Variants in MAGI3 observed in about 807,000 individuals in gnomAD.
The protein encoded by MAGI3 is membrane-associated guanylate kinase, WW and PDZ domain-containing protein 3.
A neutral mutation model predicts 121.8 loss-of-function variants in MAGI3; 43 were observed. The ratio of observed to expected loss-of-function variants is 0.35; its 90% CI spans 0.28 to 0.46. The LOEUF is 0.46. Ranked by LOEUF, MAGI3 falls within the 20% of genes least tolerant of loss-of-function variation. MAGI3 has a pLI of 1.00. For synonymous variants in MAGI3, 553 were observed against 639.3 expected (o/e 0.86, Z 2.04); for missense variants, 1,547 against 1,797.3 (o/e 0.86, Z 2.52).
chr1:113,468,411 A>G (rs149011388), intron 1 of MAGI3, among the ~76,000 whole-genome samples: 19 of 152,328 alleles, frequency 1.2e-4, no homozygotes, highest in Admixed American at 1.1e-3. Context: ...AAAACATCTT[A>G]TAACAAGGTA....
chr1:113,598,076 G>T (rs570584641), intron 6 of MAGI3, among the ~76,000 whole-genome samples: 2 of 152,240 alleles, frequency 1.3e-5, no homozygotes, highest in African/African-American at 4.8e-5. Flanking sequence ...GCCAGACATG[G>T]TGGTGGGCAC....
At chr1:113,553,864 C>G (rs1407349889) in intron 2 of MAGI3, among the ~76,000 whole-genome samples, 1 of 152,116 alleles carries the variant, frequency 6.6e-6, no homozygotes, top group Non-Finnish European at 1.5e-5. Flanking sequence ...CAAAAATTAG[C>G]TGGGCGTGGT....
rs1354147448 is a variant in MAGI3, at chr1:113,422,610, C to T, written c.316+31261C>T. 3.3e-5 allele frequency among the ~76,000 whole-genome samples: 5 copies of T among 152,204 alleles called. No homozygotes were observed. Among genetic ancestry groups the T allele is most frequent in the African/African-American group, 7.2e-5 (3 of 41,448 alleles). On this transcript the variant is annotated intron_variant, in intron 1 of 20. Coordinates refer to ENST00000307546, the MANE Select transcript of MAGI3 (RefSeq NM_001142782.2). The surrounding 1 kb of genome is among the most constrained non-coding windows in gnomAD (Gnocchi z 4.3). ...AGGCAGCTCCCGGCGCTGGCACAGG[C>T]GCCTGCTCCGTGCAAGGGTGCATCT...
chr1:113,615,791 C>G (rs1367194767), intron 7 of MAGI3, among the ~76,000 whole-genome samples: 5 of 152,080 alleles, frequency 3.3e-5, no homozygotes, highest in Non-Finnish European at 5.9e-5. Context: ...TACTTAATGT[C>G]TTACTGATAC....
chr1:113,653,249 T>C (rs1653272876), intron 14 of MAGI3, among the ~76,000 whole-genome samples: 1 of 152,224 alleles, frequency 6.6e-6, no homozygotes, highest in Non-Finnish European at 1.5e-5. Flanking sequence ...ATTAAAATTA[T>C]TGGTCCATGT....
At chr1:113,611,151 A>G in intron 6 of MAGI3, among the ~76,000 whole-genome samples, 1 of 147,434 alleles carries the variant, frequency 6.8e-6, no homozygotes, top group African/African-American at 2.5e-5. Context: ...CAGTGATGAG[A>G]TCTCAGCTCA....
At chr1:113,460,177 A>G (rs761077933) in intron 1 of MAGI3, among the ~76,000 whole-genome samples, 2 of 152,236 alleles carry the variant, frequency 1.3e-5, no homozygotes, top group Non-Finnish European at 2.9e-5. Context: ...AAACTACATG[A>G]TTATCTCAAT....
intron 2 of MAGI3, among the ~76,000 whole-genome samples, chr1:113,560,367 C>G (rs911019677): frequency 6.6e-6 from 1 of 151,330 alleles, no homozygotes; most frequent in African/African-American, 2.4e-5. Context: ...CAGAGCGAGA[C>G]TCCATCTTAA....
At chr1:113,539,945 C>T (rs916447338) in intron 1 of MAGI3, among the ~76,000 whole-genome samples, 1 of 151,940 alleles carries the variant, frequency 6.6e-6, no homozygotes, top group Admixed American at 6.6e-5. Context: ...TGCACCACAA[C>T]GCCCAGCTAA....
In MAGI3 at chr1:113,672,705, C is replaced by G. The variant is rs781727649; in HGVS notation, c.3009C>G (p.Thr1003=). ...SDHKHLAQPD[T]AVISVVGSRH... The stretch of plus-strand genomic sequence containing the variant: ...ACAAGCACCTTGCACAGCCTGACAC[C>G]GCAGTAATTTCAGTTGTAGGCAGTC... Residue 1003 remains threonine (T), a synonymous_variant, in exon 18 of 21, where the codon ACC becomes ACG. Transcript: ENST00000307546. The G allele has an allele frequency of 6.2e-7, 1 of 1,613,318 alleles. No individual in the cohort carries two copies. Among genetic ancestry groups the G allele is most frequent in the East Asian group, 2.2e-5 (1 of 44,796 alleles).
chr1:113,404,932 G>A (rs533733790), intron 1 of MAGI3, among the ~76,000 whole-genome samples: 7 of 152,184 alleles, frequency 4.6e-5, no homozygotes, highest in African/African-American at 7.2e-5. Context: ...ACGAATTTCT[G>A]TGTGTTGCCA....
intron 9 of MAGI3, among the ~76,000 whole-genome samples, chr1:113,640,183 T>C (rs1652365535): frequency 7.6e-6 from 1 of 130,830 alleles, no homozygotes; most frequent in South Asian, 2.9e-4. Context: ...CAGTGAGATA[T>C]CATCTTACGC....
intron 1 of MAGI3, among the ~76,000 whole-genome samples, chr1:113,521,023 C>T (rs1374682546): frequency 6.6e-6 from 1 of 151,994 alleles, no homozygotes; most frequent in Non-Finnish European, 1.5e-5. Context: ...TAGGCTCTCC[C>T]TACATCAGCC....
intron 1 of MAGI3, among the ~76,000 whole-genome samples, chr1:113,425,606 T>TATAA (rs1217416781): frequency 6.6e-6 from 1 of 152,070 alleles, no homozygotes; most frequent in African/African-American, 2.4e-5. Context: ...TTTTAAAATG[T>TATAA]TTATAGGACT....
At chr1:113,682,816 A>G in intron 20 of MAGI3, 81 bp from the exon 21 acceptor site, 2 of 1,459,054 alleles carry the variant, frequency 1.4e-6, no homozygotes, top group South Asian at 3.0e-5. Flanking sequence ...GACAATTCAA[A>G]TGGCTGTCAA....
chr1:113,531,679 C>T (rs2101641504), intron 1 of MAGI3, among the ~76,000 whole-genome samples: 1 of 136,496 alleles, frequency 7.3e-6, no homozygotes, highest in South Asian at 2.4e-4. Flanking sequence ...TAGTTTTTCC[C>T]CGACTCTATG....
intron 3 of MAGI3, among the ~76,000 whole-genome samples, chr1:113,583,097 T>C (rs1648135527): frequency 6.6e-6 from 1 of 151,446 alleles, no homozygotes; most frequent in African/African-American, 2.4e-5. Context: ...ACTTGGTATT[T>C]ACCAACATCT....
chr1:113,473,405 C>G (rs1424543217), intron 1 of MAGI3, among the ~76,000 whole-genome samples: 1 of 150,098 alleles, frequency 6.7e-6, no homozygotes. Flanking sequence ...CTAATGCTAT[C>G]CCTCCCCCAG....
At chr1:113,636,390 C>G (rs548161084) in intron 9 of MAGI3, among the ~76,000 whole-genome samples, 52 of 152,350 alleles carry the variant, frequency 3.4e-4, no homozygotes, top group African/African-American at 1.1e-3. Context: ...CCTCTACACA[C>G]TGCTTTGAAT....
Sources: gnomAD v4.1 joint callset for allele counts (sites outside exome capture counted in the v4.1 genomes callset) on GRCh38, gnomAD v4.1.1 for gene constraint, Gnocchi (gnomAD v3.1) non-coding constraint, MANE v1.5 for transcripts, NCBI Gene and HGNC (gene_info 2026-07-23, HGNC 2026-07-21) for gene names.